Variants in SNRPD1 observed in about 807,000 individuals in gnomAD.
The protein encoded by SNRPD1 is small nuclear ribonucleoprotein D1 polypeptide, also known as small nuclear ribonucleoprotein Sm D1.
A neutral mutation model predicts 14.4 loss-of-function variants in SNRPD1; 1 was observed. The ratio of observed to expected loss-of-function variants is 0.07; its 90% CI spans 0.02 to 0.33. The LOEUF (loss-of-function observed/expected upper bound fraction) is 0.33, where lower values mean the gene tolerates loss of function less well. Ranked by LOEUF, SNRPD1 falls within the 10% of genes least tolerant of loss-of-function variation. The probability of loss-of-function intolerance (pLI) is 1.00; values close to 1 mark genes in which losing one functional copy is unlikely to be tolerated. For synonymous variants in SNRPD1, 42 were observed against 50.3 expected, an observed-to-expected ratio of 0.83 and a Z score of 0.70; for missense variants, 52 against 146.4, an observed-to-expected ratio of 0.36 and a Z score of 3.33.
Position 21,628,072 on chromosome 18 carries a change from A to C in SNRPD1, c.284-990A>C, listed in dbSNP as rs74884492. 5.6e-3 allele frequency among the ~76,000 whole-genome samples: 857 copies of C among 152,252 alleles called. 10 individuals are homozygous for C. The highest frequency in any genetic ancestry group is 0.02 in the African/African-American group (822 of 41,544). On this transcript the variant is annotated intron_variant, in intron 3 of 3. Transcript: ENST00000300413. The stretch of plus-strand genomic sequence containing the variant: ...TTATTGCTTAGAATGGTAAGACTAG[A>C]ATCAGTGTGTACAAATTTCTAATGT...
At chr18:21,626,825 G>A (rs1471638260) in intron 3 of SNRPD1, among the ~76,000 whole-genome samples, 4 of 151,700 alleles carry the variant, frequency 2.6e-5, no homozygotes, top group African/African-American at 9.7e-5. Context: ...TGTTTGTTTG[G>A]TAAGAGACAA....
chr18:21,625,531 G>C (rs2039031221), intron 3 of SNRPD1, among the ~76,000 whole-genome samples: 1 of 151,744 alleles, frequency 6.6e-6, no homozygotes, highest in South Asian at 2.1e-4. Flanking sequence ...GGTCAGGCTG[G>C]TCTCATACCC....
chr18:21,613,061 T>C (rs186171372), intron 1 of SNRPD1, among the ~76,000 whole-genome samples: 2 of 152,326 alleles, frequency 1.3e-5, no homozygotes, highest in East Asian at 3.9e-4. Context: ...TCCACCTCTA[T>C]TTCCCTTTAA....
rs1391991608 is a variant in SNRPD1, at chr18:21,632,825, T to TTTTTGTTTTC, written c.*3691_*3692insGTTTTCTTTT. 2 of 150,688 alleles carry TTTTTGTTTTC rather than the reference T, an allele frequency of 1.3e-5. 1 individual carries two copies. The highest frequency in any genetic ancestry group is 5.1e-5 in the African/African-American group (2 of 39,560). The allele number at this position is 150,688 out of a possible 1,614,324, so 9.3% of individuals were successfully genotyped here. On this transcript the variant is annotated 3_prime_UTR_variant, in exon 4 of 4. Transcript: ENST00000300413. ...AGATGTTACATATGAACTTTAGTTT[T>TTTTTGTTTTC]TTTTCTTTTCTTTTCTTTTCTTTTC...
At chr18:21,624,414 G>A (rs1168118885) in intron 3 of SNRPD1, among the ~76,000 whole-genome samples, 2 of 149,380 alleles carry the variant, frequency 1.3e-5, no homozygotes, top group Non-Finnish European at 3.0e-5. Flanking sequence ...CGATGTGGTC[G>A]GGCAGGGTGG....
At chr18:21,626,734 C>G (rs755795655) in intron 3 of SNRPD1, among the ~76,000 whole-genome samples, 2 of 150,070 alleles carry the variant, frequency 1.3e-5, no homozygotes, top group South Asian at 2.1e-4. Flanking sequence ...TGTAGTGACC[C>G]GAGATCGCAC....
chr18:21,620,014 G>A (rs990505180), intron 1 of SNRPD1, among the ~76,000 whole-genome samples: 1 of 151,936 alleles, frequency 6.6e-6, no homozygotes, highest in Non-Finnish European at 1.5e-5. Flanking sequence ...CAGTGCAATG[G>A]CATGATCTTG....
In SNRPD1 at chr18:21,617,620, C is replaced by A. The variant is rs547535393; in HGVS notation, c.15-5105C>A. 9.9e-4 allele frequency among the ~76,000 whole-genome samples: 150 copies of A among 152,262 alleles called. 1 individual carries two copies. The highest frequency in any genetic ancestry group is 3.4e-3 in the African/African-American group (140 of 41,550). Reference sequence around the variant, plus strand: ...TTGATGAAAATCCTTCAGTAGCTCTCCTAGAGGAATTCTTTAACAGAGCTT... The same window carrying A: ...TTGATGAAAATCCTTCAGTAGCTCTACTAGAGGAATTCTTTAACAGAGCTT... On this transcript the variant is annotated intron_variant, in intron 1 of 3. Transcript: ENST00000300413.
intron 3 of SNRPD1, 111 bp downstream of exon 3, chr18:21,624,050 C>T: frequency 1.4e-6 from 1 of 691,532 alleles, no homozygotes; most frequent in Non-Finnish European, 2.4e-6. Context: ...TTTAATATTT[C>T]CTATAGTATG....
rs2039007452 is a variant in SNRPD1 at position 21,622,720 on chromosome 18, T to C, written c.15-5T>C. 2.1e-6 allele frequency: 3 copies of C among 1,395,454 alleles called. No homozygotes were observed. The highest frequency in any genetic ancestry group is 1.0e-6 in the Non-Finnish European group (1 of 982,108). The allele number at this position is 1,395,454 out of a possible 1,614,324, so 86.4% of individuals were successfully genotyped here. A position where few individuals can be genotyped will look rare whatever the true frequency, so the allele number is the denominator to read the frequency against. On this transcript the variant is annotated splice_region_variant and splice_polypyrimidine_tract_variant and intron_variant, in intron 1 of 3. Transcript: ENST00000300413. ...AGGTAAAAATGGTTTTATTCCTATT[T>C]ATAGATTTTTGATGAAATTGAGTCA...
Position 21,630,564 on chromosome 18 carries a change from A to C in SNRPD1, c.*1426A>C, listed in dbSNP as rs1284178044. 1 of 151,978 alleles carries C rather than the reference A, an allele frequency of 6.6e-6. No homozygotes were observed. Among genetic ancestry groups the C allele is most frequent in the Non-Finnish European group, 1.5e-5 (1 of 68,026 alleles). The allele number at this position is 151,978 out of a possible 1,614,324, so 9.4% of individuals were successfully genotyped here. A position where few individuals can be genotyped will look rare whatever the true frequency, so the allele number is the denominator to read the frequency against. On this transcript the variant is annotated 3_prime_UTR_variant, in exon 4 of 4. Transcript: ENST00000300413. Reference sequence around the variant, plus strand: ...ATCACGAGGTCAGGAGTTGAAGACCAGCTTGGCCAAGAGGGTGAAACCCCA... The same window carrying C: ...ATCACGAGGTCAGGAGTTGAAGACCCGCTTGGCCAAGAGGGTGAAACCCCA...
chr18:21,625,485 T>A (rs774975064), intron 3 of SNRPD1, among the ~76,000 whole-genome samples: 1 of 151,616 alleles, frequency 6.6e-6, no homozygotes, highest in Non-Finnish European at 1.5e-5. Flanking sequence ...CCCAGCTAAT[T>A]TTGTATTTTT....
intron 2 of SNRPD1, among the ~76,000 whole-genome samples, chr18:21,623,423 G>C (rs2039012838): frequency 6.6e-6 from 1 of 152,216 alleles, no homozygotes; most frequent in Non-Finnish European, 1.5e-5. Flanking sequence ...TTATGAGGAA[G>C]TTACAAAGAC....
intron 3 of SNRPD1, among the ~76,000 whole-genome samples, chr18:21,624,900 C>T (rs2039025155): frequency 6.6e-6 from 1 of 151,984 alleles, no homozygotes; most frequent in African/African-American, 2.4e-5. Flanking sequence ...TAAATCATCT[C>T]TAGATTACTT....
At chr18:21,613,945 C>T (rs2038939385) in intron 1 of SNRPD1, among the ~76,000 whole-genome samples, 1 of 148,814 alleles carries the variant, frequency 6.7e-6, no homozygotes. Context: ...TTTATTTGAA[C>T]TATAACTTTG....
intron 1 of SNRPD1, among the ~76,000 whole-genome samples, chr18:21,615,112 A>G (rs2038947509): frequency 6.6e-6 from 1 of 152,200 alleles, no homozygotes; most frequent in South Asian, 2.1e-4. Context: ...TTCCCAGGCA[A>G]CCTCTGGCTC....
At chr18:21,626,014 GGTAAGT>G (rs1288955593) in intron 3 of SNRPD1, among the ~76,000 whole-genome samples, 1 of 152,144 alleles carries the variant, frequency 6.6e-6, no homozygotes, top group East Asian at 1.9e-4. Flanking sequence ...AGAAATTGAA[GGTAAGT>G]GTGGTCAATT....
Position 21,629,278 on chromosome 18 carries a change from A to G in SNRPD1, c.*140A>G. 1 of 640,032 alleles carries G rather than the reference A, an allele frequency of 1.6e-6. No individual in the cohort carries two copies. The highest frequency in any genetic ancestry group is 2.8e-6 in the Non-Finnish European group (1 of 357,528). 39.6% of individuals were successfully genotyped at this position (640,032 alleles called of 1,614,324 possible). On this transcript the variant is annotated 3_prime_UTR_variant, in exon 4 of 4. Transcript: ENST00000300413. ...TATCAAAGTTTTAGTAGTTTCCTCC[A>G]CATTCACGAAATTACCACAGTGAGA... is the stretch of plus-strand genomic sequence containing the variant.
intron 1 of SNRPD1, among the ~76,000 whole-genome samples, chr18:21,617,387 A>G (rs2038965243): frequency 1.3e-5 from 2 of 151,854 alleles, no homozygotes; most frequent in African/African-American, 4.8e-5. Context: ...CCAGAAATAG[A>G]TCTGTTTGCT....
Sources: gnomAD v4.1 joint callset for allele counts (sites outside exome capture counted in the v4.1 genomes callset) on GRCh38, gnomAD v4.1.1 for gene constraint, MANE v1.5 for transcripts, NCBI Gene and HGNC (gene_info 2026-07-23, HGNC 2026-07-21) for gene names.